DOCK4: variants seen among roughly 807,000 people sequenced by gnomAD.
The protein encoded by DOCK4 is dedicator of cytokinesis 4.
DOCK4 carries 97 observed loss-of-function variants against 268.1 expected under a neutral mutation model. The ratio of observed to expected loss-of-function variants is 0.36; its 90% confidence interval spans 0.31 to 0.43. DOCK4 has a LOEUF of 0.43. Ranked by LOEUF, DOCK4 falls within the 20% of genes least tolerant of loss-of-function variation. The pLI, the probability that DOCK4 is intolerant of heterozygous loss-of-function variation, is 1.00. For synonymous variants in DOCK4, 954 were observed against 887.2 expected (o/e 1.08, Z -1.34); for missense variants, 2,145 against 2,455.7 (o/e 0.87, Z 2.67).
chr7:111,820,200 A>G (rs186697070), intron 27 of DOCK4: 1 of 152,384 alleles, frequency 6.6e-6, no homozygotes, highest in Non-Finnish European at 1.5e-5. Flanking sequence ...AGAGGAGAGG[A>G]AAGAAGAGGC....
chr7:111,990,894 C>T (rs930467710), intron 5 of DOCK4, among the ~76,000 whole-genome samples: 5 of 152,164 alleles, frequency 3.3e-5, no homozygotes, highest in Non-Finnish European at 7.4e-5. Context: ...TTGATTTACA[C>T]ATGTTAATTT....
chr7:111,822,282 A>G (rs1802046948), intron 27 of DOCK4, 80 bp downstream of exon 27: 3 of 1,243,334 alleles, frequency 2.4e-6, no homozygotes, highest in Non-Finnish European at 3.3e-6. Context: ...CAAACTTGAG[A>G]TCAAATGAAA....
intron 1 of DOCK4, among the ~76,000 whole-genome samples, chr7:112,169,933 A>G (rs1407044928): frequency 1.3e-5 from 2 of 152,168 alleles, no homozygotes; most frequent in East Asian, 3.9e-4. Flanking sequence ...ACTAGTTACT[A>G]CAAACTCCAC....
chr7:112,160,271 G>A (rs374517903), intron 1 of DOCK4, among the ~76,000 whole-genome samples: 2 of 152,160 alleles, frequency 1.3e-5, no homozygotes, highest in African/African-American at 4.8e-5. Context: ...AATATCAAAT[G>A]AGATGATAAG....
intron 11 of DOCK4, among the ~76,000 whole-genome samples, chr7:111,938,689 C>T (rs1313886861): frequency 6.6e-6 from 1 of 152,128 alleles, no homozygotes; most frequent in African/African-American, 2.4e-5. Flanking sequence ...ACAAAGGTAA[C>T]GTTGAAGTCC....
intron 1 of DOCK4, among the ~76,000 whole-genome samples, chr7:112,051,217 T>C (rs993185168): frequency 1.4e-4 from 21 of 152,238 alleles, no homozygotes; most frequent in African/African-American, 4.3e-4. Context: ...GGCTAGGCAT[T>C]GTCAAGAAAA....
At chr7:111,876,420 T>A (rs1279375869) in intron 17 of DOCK4, among the ~76,000 whole-genome samples, 1 of 152,196 alleles carries the variant, frequency 6.6e-6, no homozygotes, top group Non-Finnish European at 1.5e-5. Context: ...TACCTCATTA[T>A]AAAGTGATTC....
At chr7:112,136,438 T>C (rs1586898666) in intron 1 of DOCK4, among the ~76,000 whole-genome samples, 1 of 152,088 alleles carries the variant, frequency 6.6e-6, no homozygotes, top group East Asian at 1.9e-4. Context: ...ATCCAGACAA[T>C]TACGAGAAGA....
chr7:111,908,546 T>TATTTTG (rs1244191393), intron 13 of DOCK4, among the ~76,000 whole-genome samples: 1 of 152,146 alleles, frequency 6.6e-6, no homozygotes. Context: ...TTTGTTTGTA[T>TATTTTG]TTTGCTTTAA....
chr7:111,837,235 C>T (rs1476258897), intron 25 of DOCK4, among the ~76,000 whole-genome samples: 1 of 151,914 alleles, frequency 6.6e-6, no homozygotes, highest in African/African-American at 2.4e-5. Flanking sequence ...GCAACAGCTT[C>T]AGAGAACTAA....
rs1410146923 is a variant in DOCK4 at position 112,083,297 on chromosome 7, C to T, written c.38-79166G>A. ...AATTGCCTCAGGCTCTCACATCTAT[C>T]ATCTCCATTGGTTTTACATAAAAGT... On this transcript the variant is annotated intron_variant, in intron 1 of 52. Coordinates refer to ENST00000428084, the MANE Select transcript of DOCK4 (RefSeq NM_001363540.2). 2.6e-5 allele frequency among the ~76,000 whole-genome samples: 4 copies of T among 152,010 alleles called. No individual in the cohort carries two copies. The East Asian group carries it at 5.8e-4, about 22-fold the overall frequency.
In DOCK4 at chr7:111,732,240, G is replaced by A. The variant is rs1795146566; in HGVS notation, c.5467C>T (p.Arg1823Ter). ...TTSVSPSPAG[R>*]SPLKGSVQSF... is the part of the protein sequence containing the mutation. Reference sequence around the variant, plus strand: ...AGGGCCTTTACCTTCAATGGAGATCGCCCGGCAGGCGAGGGGGATACTGAT... The same window carrying A: ...AGGGCCTTTACCTTCAATGGAGATCACCCGGCAGGCGAGGGGGATACTGAT... Residue 1823 changes from arginine (R) to a stop codon, truncating the protein, a stop_gained, in exon 52 of 53, where the codon CGA becomes TGA. Coordinates refer to ENST00000428084, the MANE Select transcript of DOCK4 (RefSeq NM_001363540.2). LOFTEE classifies it high-confidence loss of function. 2 of 1,613,990 alleles carry A rather than the reference G, an allele frequency of 1.2e-6. No homozygotes were observed. The highest frequency in any genetic ancestry group is 1.7e-6 in the Non-Finnish European group (2 of 1,179,864).
intron 8 of DOCK4, among the ~76,000 whole-genome samples, chr7:111,961,344 C>T (rs763123078): frequency 2.1e-4 from 32 of 152,296 alleles, no homozygotes; most frequent in Middle Eastern, 6.8e-3. Context: ...GCCGTTGCTT[C>T]AGGATTCAAC....
intron 1 of DOCK4, among the ~76,000 whole-genome samples, chr7:112,083,108 T>C (rs1025845713): frequency 6.6e-6 from 1 of 152,136 alleles, no homozygotes; most frequent in South Asian, 2.1e-4. Context: ...GTTCACAACA[T>C]AAATTTTATA....
At chr7:111,988,341 G>A (rs2135207249) in intron 6 of DOCK4, among the ~76,000 whole-genome samples, 1 of 152,238 alleles carries the variant, frequency 6.6e-6, no homozygotes, top group Admixed American at 6.5e-5. Context: ...TCACTTCTAT[G>A]TTAATATTCA....
chr7:112,052,321 T>C (rs1013197115), intron 1 of DOCK4, among the ~76,000 whole-genome samples: 2 of 152,122 alleles, frequency 1.3e-5, no homozygotes, highest in African/African-American at 4.8e-5. Context: ...CACACACATA[T>C]ACCTATATAT....
intron 43 of DOCK4, 84 bp downstream of exon 43, chr7:111,747,183 G>T: frequency 7.3e-7 from 1 of 1,366,052 alleles, no homozygotes; most frequent in Non-Finnish European, 1.0e-6. Context: ...GCTGATATGG[G>T]TACATAGTCT....
rs750884544 is a variant in DOCK4, at chr7:111,915,858, G to A, written c.1113C>T (p.Ile371=). Residue 371 remains isoleucine, a synonymous_variant, in exon 13 of 53, where the codon ATC becomes ATT. Transcript: ENST00000428084. ...LQLLHGDIEQ[I]RREYSSVFSH... ...AAAATACTGATGAATATTCCCTTCT[G>A]ATTTGTTCAATGTCTCCGTGCAATA... The A allele has an allele frequency of 8.7e-5, 140 of 1,612,420 alleles. 4 individuals carry two copies. The South Asian group carries it at 9.4e-4, about 11-fold the overall frequency.
intron 37 of DOCK4, 148 bp from the exon 38 acceptor site, chr7:111,767,266 C>T (rs1797822779): frequency 1.6e-6 from 1 of 626,546 alleles, no homozygotes; most frequent in Non-Finnish European, 2.7e-6. Context: ...CTCACTCTGT[C>T]ACCAGGCTGG....
Sources: gnomAD v4.1 joint callset for allele counts (sites outside exome capture counted in the v4.1 genomes callset) on GRCh38, gnomAD v4.1.1 for gene constraint, MANE v1.5 for transcripts, NCBI Gene and HGNC (gene_info 2026-07-23, HGNC 2026-07-21) for gene names.